Variants in NHSL2 observed in about 807,000 individuals in gnomAD.
NHSL2 encodes NHS like 2.
A neutral mutation model predicts 53.4 loss-of-function variants in NHSL2; 27 were observed. That is an observed-to-expected ratio of 0.51 (90% CI 0.37 to 0.70). NHSL2 has a LOEUF of 0.70. Among genes scored for constraint, NHSL2 ranks in the 30% least tolerant of loss-of-function variants. The pLI is 0.00. For missense variants in NHSL2, 892 were observed against 980.1 expected (o/e 0.91, Z 1.20); for synonymous variants, 408 against 404.1 (o/e 1.01, Z -0.12).
At chrX:71,999,016 T>G (rs925030987) in intron 1 of NHSL2, among the ~76,000 whole-genome samples, 1 of 112,420 alleles carries the variant, frequency 8.9e-6, no homozygotes, top group Non-Finnish European at 1.9e-5. Context: ...GACTGGCTCA[T>G]TCCCACTCAT....
rs2042397932 is a variant in NHSL2, at chrX:72,139,876, C to A, written c.2328C>A (p.Thr776=). The A allele has an allele frequency of 8.3e-7, 1 of 1,209,239 alleles. No homozygotes were observed. Among genetic ancestry groups the A allele is most frequent in the South Asian group, 1.8e-5 (1 of 56,771 alleles). The part of the protein sequence containing the change: ...KSRLSFDLPL[T]SSPNLDLSGM... ...GGCTATCATTTGACCTACCACTGAC[C>A]TCTTCACCCAACCTGGATCTGTCTG... Residue 776 remains threonine, a synonymous_variant, in exon 6 of 8, where the codon ACC becomes ACA. Transcript: ENST00000633930.
At chrX:72,042,956 G>C (rs932677737) in intron 1 of NHSL2, among the ~76,000 whole-genome samples, 1 of 111,198 alleles carries the variant, frequency 9.0e-6, no homozygotes, top group African/African-American at 3.3e-5. Context: ...TTCCTGTTCA[G>C]AAGTTTTTGG....
chrX:72,122,489 G>A (rs765113784), intron 1 of NHSL2, among the ~76,000 whole-genome samples: 1 of 112,467 alleles, frequency 8.9e-6, no homozygotes, highest in Non-Finnish European at 1.9e-5. Flanking sequence ...GTTATTGCTG[G>A]TTTATATCAA....
chrX:71,927,268 C>A (rs867876490), intron 1 of NHSL2, among the ~76,000 whole-genome samples: 1 of 112,092 alleles, frequency 8.9e-6, no homozygotes, highest in African/African-American at 3.2e-5. Context: ...GAGGGAGGGA[C>A]TCAATGGGGT....
rs1384494258 is a variant in NHSL2 at position 72,152,158 on chromosome X, C to G, written c.*8584C>G. The G allele has an allele frequency of 8.8e-6, 1 of 113,025 alleles. No homozygotes were observed. The highest frequency in any genetic ancestry group is 9.4e-5 in the Admixed American group (1 of 10,674). The allele number at this position is 113,025 out of a possible 1,213,427, so 9.3% of individuals were successfully genotyped here. ...TGTTCTAAAGCTTCTTCACGTCTCT[C>G]TCCATCCTGCTCCCATCTCCACCTC... On this transcript the variant is annotated 3_prime_UTR_variant, in exon 8 of 8. Transcript: ENST00000633930.
Position 72,148,266 on chromosome X carries a change from T to C in NHSL2, c.*4692T>C, listed in dbSNP as rs1424555482. ...GTGAAAGGTGAAACTGTCCAATCCA[T>C]GTCCAATCAATGTCAGTCGTCCAGT... On this transcript the variant is annotated 3_prime_UTR_variant, in exon 8 of 8. Coordinates refer to ENST00000633930, the MANE Select transcript of NHSL2 (RefSeq NM_001013627.3). The C allele has an allele frequency of 8.9e-6, 1 of 112,228 alleles. No homozygotes were observed. Among genetic ancestry groups the C allele is most frequent in the African/African-American group, 3.2e-5 (1 of 30,890 alleles). 9.2% of individuals were successfully genotyped at this position (112,228 alleles called of 1,213,427 possible).
rs112361506 is a variant in NHSL2 at position 72,007,324 on chromosome X, G to A, written c.280+95957G>A. Among the ~76,000 whole-genome samples the A allele has an allele frequency of 8.7e-3, 979 of 113,060 alleles. 7 individuals are homozygous for A. Among genetic ancestry groups the A allele is most frequent in the Middle Eastern group, 0.042 (9 of 216 alleles). Reference sequence around the variant, plus strand: ...AGCTGCTTTGGCAGGTCAGCTGAATGTACAGTTAATTAATAGGCATTAGTG... The same window carrying A: ...AGCTGCTTTGGCAGGTCAGCTGAATATACAGTTAATTAATAGGCATTAGTG... On this transcript the variant is annotated intron_variant, in intron 1 of 7. Coordinates refer to ENST00000633930, the MANE Select transcript of NHSL2 (RefSeq NM_001013627.3).
chrX:72,030,228 C>G (rs945349614), intron 1 of NHSL2, among the ~76,000 whole-genome samples: 2 of 112,014 alleles, frequency 1.8e-5, no homozygotes, highest in African/African-American at 6.5e-5. Context: ...GAACTGGATT[C>G]CTGCTGCCAG....
intron 1 of NHSL2, chrX:72,080,250 C>A (rs1231190674): frequency 8.9e-6 from 1 of 111,950 alleles, no homozygotes; most frequent in East Asian, 2.8e-4. Flanking sequence ...CTGTCACCCT[C>A]TTCTGGATCC....
chrX:72,072,427 A>G (rs768338315), intron 1 of NHSL2, among the ~76,000 whole-genome samples: 1 of 111,909 alleles, frequency 8.9e-6, no homozygotes, highest in South Asian at 3.7e-4. Context: ...CCTTAGCACA[A>G]CTTAGAGATC....
In NHSL2 at chrX:72,022,029, G is replaced by C. The variant is rs190861532; in HGVS notation, c.281-110050G>C. Reference sequence around the variant, plus strand: ...CTACCATGGTGCCTCTGCTCTCTGGGATATTTTCTCGACCTCAAACACCCA... The same window carrying C: ...CTACCATGGTGCCTCTGCTCTCTGGCATATTTTCTCGACCTCAAACACCCA... On this transcript the variant is annotated intron_variant, in intron 1 of 7. Transcript: ENST00000633930. 1.9e-3 allele frequency among the ~76,000 whole-genome samples: 210 copies of C among 111,508 alleles called. 1 individual carries two copies. Among genetic ancestry groups the C allele is most frequent in the African/African-American group, 6.7e-3 (205 of 30,599 alleles).
In NHSL2 at chrX:71,913,983, A is replaced by G. The variant is rs773756257; in HGVS notation, c.280+2616A>G. 8.9e-5 allele frequency among the ~76,000 whole-genome samples: 10 copies of G among 112,955 alleles called. No individual in the cohort carries two copies. In the South Asian group the frequency reaches 2.9e-3, roughly 33 times the overall value. On this transcript the variant is annotated intron_variant, in intron 1 of 7. Transcript: ENST00000633930. The stretch of plus-strand genomic sequence containing the variant: ...ACTGGGCTAGGCTAGTTGCCTCGCA[A>G]CATCCCACCCACTCCACTGAAGGCT...
intron 1 of NHSL2, among the ~76,000 whole-genome samples, chrX:72,003,050 C>T (rs2042078642): frequency 9.1e-6 from 1 of 109,969 alleles, no homozygotes; most frequent in African/African-American, 3.3e-5. Flanking sequence ...ACTGGTGGTA[C>T]TGACGTGTGG....
At chrX:72,100,205 G>A (rs929397494) in intron 1 of NHSL2, among the ~76,000 whole-genome samples, 2 of 111,705 alleles carry the variant, frequency 1.8e-5, no homozygotes, top group Non-Finnish European at 1.9e-5. Context: ...AGAGAAATGC[G>A]TCATTAGGTG....
intron 1 of NHSL2, among the ~76,000 whole-genome samples, chrX:71,995,264 G>A (rs1308528824): frequency 8.9e-6 from 1 of 112,166 alleles, no homozygotes; most frequent in Non-Finnish European, 1.9e-5. Flanking sequence ...AGGTCTCCCT[G>A]CCTATTCCAG....
chrX:72,040,604 A>G (rs933629753), intron 1 of NHSL2, among the ~76,000 whole-genome samples: 3 of 111,834 alleles, frequency 2.7e-5, no homozygotes, highest in Non-Finnish European at 3.8e-5. Flanking sequence ...GTCACTCTCC[A>G]TGGTCAGATG....
intron 1 of NHSL2, among the ~76,000 whole-genome samples, chrX:71,951,005 T>TACACACAC (rs10527333): frequency 0.23 from 20,403 of 89,499 alleles, 2,397 homozygotes; most frequent in Middle Eastern, 0.36. Flanking sequence ...AAATACAAAA[T>TACACACAC]ACACACACAC....
At chrX:71,946,862 T>C (rs2041795100) in intron 1 of NHSL2, among the ~76,000 whole-genome samples, 2 of 112,042 alleles carry the variant, frequency 1.8e-5, no homozygotes, top group African/African-American at 6.5e-5. Context: ...TTTCTGAACC[T>C]CAATTTCTTC....
intron 1 of NHSL2, among the ~76,000 whole-genome samples, chrX:72,006,608 A>C (rs2042095429): frequency 8.9e-6 from 1 of 112,531 alleles, no homozygotes; most frequent in African/African-American, 3.2e-5. Context: ...GCTGGAGTGC[A>C]GTGGTGCCAT....
Sources: allele counts gnomAD v4.1 joint callset (sites outside exome capture counted in the v4.1 genomes callset), GRCh38; gene constraint gnomAD v4.1.1; transcripts MANE v1.5; gene names NCBI Gene and HGNC (gene_info 2026-07-23, HGNC 2026-07-21).